The following AIG1 variants were observed in gnomAD, a reference collection of about 807,000 sequenced individuals.
AIG1 encodes androgen induced 1.
In AIG1, 23 loss-of-function variants were observed where a neutral mutation model predicts 31.4. That is an observed-to-expected ratio of 0.73 (90% CI 0.53 to 1.04). The LOEUF (loss-of-function observed/expected upper bound fraction) is 1.04, where lower values mean the gene tolerates loss of function less well. Ranked by LOEUF, AIG1 falls within the 50% of genes least tolerant of loss-of-function variation. The probability of loss-of-function intolerance (pLI) is 0.00; values close to 1 mark genes in which losing one functional copy is unlikely to be tolerated. For synonymous variants in AIG1, 100 were observed against 110.5 expected (o/e 0.90, Z 0.60); for missense variants, 274 against 295.0 (o/e 0.93, Z 0.52).
At chr6:143,246,336 G>A (rs749296884) in intron 3 of AIG1, among the ~76,000 whole-genome samples, 6 of 151,926 alleles carry the variant, frequency 3.9e-5, no homozygotes, top group South Asian at 2.1e-4. Flanking sequence ...CACAATCATC[G>A]TGGAAGGCAA....
intron 1 of AIG1, among the ~76,000 whole-genome samples, chr6:143,063,393 T>C (rs571547117): frequency 5.3e-5 from 8 of 152,318 alleles, no homozygotes; most frequent in African/African-American, 1.9e-4. Flanking sequence ...ATAATAATTA[T>C]CTTTAACAAA....
intron 2 of AIG1, among the ~76,000 whole-genome samples, chr6:143,162,422 A>G (rs537675299): frequency 6.6e-6 from 1 of 152,356 alleles, no homozygotes; most frequent in South Asian, 2.1e-4. Context: ...ATGGAAATGC[A>G]AAGGACTTAA....
intron 3 of AIG1, among the ~76,000 whole-genome samples, chr6:143,260,280 A>G (rs930625504): frequency 6.7e-6 from 1 of 149,314 alleles, no homozygotes; most frequent in East Asian, 2.2e-4. Context: ...TGCCGACTGT[A>G]AAGGGCTGGG....
chr6:143,342,502 CA>C (rs1777877722), downstream of AIG1: 4 of 795,996 alleles, frequency 5.0e-6, no homozygotes, highest in Admixed American at 6.8e-5. Context: ...GTGGAAGAAA[CA>C]GTCTTTTATC....
At chr6:143,168,883 AT>A (rs1219955798) in intron 3 of AIG1, among the ~76,000 whole-genome samples, 2 of 152,140 alleles carry the variant, frequency 1.3e-5, no homozygotes, top group East Asian at 3.8e-4. Context: ...TGATTATTTT[AT>A]TTTCAATTGA....
chr6:143,126,153 G>A (rs748937595), intron 1 of AIG1: 4 of 152,206 alleles, frequency 2.6e-5, no homozygotes, highest in Non-Finnish European at 4.4e-5. Flanking sequence ...AGGCTAACCC[G>A]CTCCAAGGGT....
chr6:143,207,366 G>A (rs1791196625), intron 3 of AIG1, among the ~76,000 whole-genome samples: 1 of 151,730 alleles, frequency 6.6e-6, no homozygotes, highest in Non-Finnish European at 1.5e-5. Context: ...CTGAAGATTT[G>A]TGGCACCACT....
chr6:143,198,047 A>G (rs1297532563), intron 3 of AIG1, among the ~76,000 whole-genome samples: 3 of 152,204 alleles, frequency 2.0e-5, no homozygotes, highest in Non-Finnish European at 4.4e-5. Flanking sequence ...GGCTACAGCA[A>G]TAGTGGATAT....
chr6:143,223,297 C>T (rs1236298366), intron 3 of AIG1, among the ~76,000 whole-genome samples: 2 of 152,168 alleles, frequency 1.3e-5, no homozygotes, highest in East Asian at 3.8e-4. Context: ...GCCTCCCAAT[C>T]TGTGCTGTAA....
In AIG1 at chr6:143,337,174, G is replaced by A. The variant is rs185171774; in HGVS notation, c.680-2465G>A. On this transcript the variant is annotated intron_variant, in intron 5 of 5. Coordinates refer to ENST00000357847, the MANE Select transcript of AIG1 (RefSeq NM_016108.4). ...TCGCTGAACCATCTTTGAAGCCATT[G>A]GTCCTTCATTTCATCCTGTCTCTGT... 3.5e-4 allele frequency among the ~76,000 whole-genome samples: 54 copies of A among 152,272 alleles called. No homozygotes were observed. The East Asian group carries it at 9.8e-3, about 28-fold the overall frequency.
chr6:143,343,142 A>G, downstream of AIG1: 1 of 753,482 alleles, frequency 1.3e-6, no homozygotes, highest in South Asian at 1.4e-5. Flanking sequence ...GCCATTATTT[A>G]CTTCCAATGT....
chr6:143,170,876 TA>T (rs34719519), intron 3 of AIG1, among the ~76,000 whole-genome samples: 4 of 147,188 alleles, frequency 2.7e-5, no homozygotes, highest in Non-Finnish European at 4.5e-5. Context: ...CCTATTGAAA[TA>T]AAAAAAAATC....
downstream of AIG1, chr6:143,342,854 TC>T: frequency 1.2e-6 from 1 of 823,612 alleles, no homozygotes; most frequent in South Asian, 1.3e-5. Context: ...GCCTCAAAAG[TC>T]CGTTGTTCTC....
intron 1 of AIG1, among the ~76,000 whole-genome samples, chr6:143,133,243 T>G (rs569965364): frequency 6.6e-6 from 1 of 152,274 alleles, no homozygotes; most frequent in African/African-American, 2.4e-5. Flanking sequence ...AGGGCTATTT[T>G]TAAGTATTGT....
chr6:143,226,427 G>A (rs1261444552), intron 3 of AIG1, among the ~76,000 whole-genome samples: 2 of 150,802 alleles, frequency 1.3e-5, no homozygotes, highest in East Asian at 3.9e-4. Context: ...TTTTTTTTTA[G>A]TAGAGATGGG....
At chr6:143,248,874 G>A (rs1794790654) in intron 3 of AIG1, among the ~76,000 whole-genome samples, 1 of 152,122 alleles carries the variant, frequency 6.6e-6, no homozygotes, top group South Asian at 2.1e-4. Context: ...CAGAAATTAT[G>A]CCATTTTAAA....
In AIG1 at chr6:143,100,960, C is replaced by T. The variant is rs111950241; in HGVS notation, c.142-35875C>T. On this transcript the variant is annotated intron_variant, in intron 1 of 5. Coordinates refer to ENST00000357847, the MANE Select transcript of AIG1 (RefSeq NM_016108.4). The stretch of plus-strand genomic sequence containing the variant: ...TCGGCCTCCCAAAGTGCTGGGATTA[C>T]AGGCCTGAGCCACCGTGCCCAGCCT... Among the ~76,000 whole-genome samples the T allele has an allele frequency of 7.8e-3, 1,189 of 152,322 alleles. 14 individuals carry two copies. The highest frequency in any genetic ancestry group is 0.01 in the Non-Finnish European group (681 of 68,026).
At chr6:143,241,539 A>G (rs1794241678) in intron 3 of AIG1, among the ~76,000 whole-genome samples, 2 of 152,188 alleles carry the variant, frequency 1.3e-5, no homozygotes, top group African/African-American at 4.8e-5. Flanking sequence ...CAAAAGCTTC[A>G]CTTTGTACTT....
At chr6:143,313,002 G>A (rs1382530265) in intron 4 of AIG1, among the ~76,000 whole-genome samples, 1 of 152,102 alleles carries the variant, frequency 6.6e-6, no homozygotes, top group East Asian at 1.9e-4. Flanking sequence ...AAACTACAGT[G>A]AGATACCATC....
Sources: gnomAD v4.1 joint callset for allele counts (sites outside exome capture counted in the v4.1 genomes callset) on GRCh38, gnomAD v4.1.1 for gene constraint, MANE v1.5 for transcripts, NCBI Gene and HGNC (gene_info 2026-07-23, HGNC 2026-07-21) for gene names.